Variants in RARA observed in about 807,000 individuals in gnomAD.
RARA encodes the protein PML-DDX5-RARA fusion.
In RARA, 5 loss-of-function variants were observed where a neutral mutation model predicts 42.8. That is an observed-to-expected ratio of 0.12 (90% CI 0.06 to 0.25). The LOEUF (loss-of-function observed/expected upper bound fraction) is 0.25, where lower values mean the gene tolerates loss of function less well. Among genes scored for constraint, RARA ranks in the 10% least tolerant of loss-of-function variants. The pLI is 1.00. For synonymous variants in RARA, 256 were observed against 259.5 expected (o/e 0.99, Z 0.13); for missense variants, 402 against 628.7 (o/e 0.64, Z 3.86).
intron 2 of RARA, chr17:40,342,517 G>A: frequency 7.6e-7 from 1 of 1,321,318 alleles, no homozygotes; most frequent in Non-Finnish European, 9.7e-7. Flanking sequence ...CACCGGGACT[G>A]GCGGAGCGGC....
chr17:40,314,192 G>A (rs2033148320), intron 1 of RARA, among the ~76,000 whole-genome samples: 1 of 148,446 alleles, frequency 6.7e-6, no homozygotes, highest in Non-Finnish European at 1.5e-5. Context: ...GGGTGGGGTG[G>A]GGGTGGGGAC....
At position 40,312,084 on chromosome 17, in the gene RARA, C is replaced by T. The variant is rs1418085273; in HGVS notation, c.-363+2798C>T. On this transcript the variant is annotated intron_variant, in intron 1 of 8. Coordinates refer to ENST00000254066, the MANE Select transcript of RARA (RefSeq NM_000964.4). ...CTGGGGCACTATTTTGTCTTCCCTCCAGTTGGGCCAGGATGAAGGAGACTG... is the reference window on the plus strand; with the variant it reads ...CTGGGGCACTATTTTGTCTTCCCTCTAGTTGGGCCAGGATGAAGGAGACTG... Among the ~76,000 whole-genome samples the T allele has an allele frequency of 2.0e-5, 3 of 152,316 alleles. No homozygotes were observed. The South Asian group carries it at 6.2e-4, about 32-fold the overall frequency.
intron 2 of RARA, among the ~76,000 whole-genome samples, chr17:40,340,121 A>AC (rs1267916257): frequency 1.7e-4 from 21 of 126,164 alleles, no homozygotes; most frequent in Admixed American, 1.3e-3. Context: ...CCTTACCCCC[A>AC]CCCCCCCACG....
At chr17:40,323,738 G>A (rs375762074) in intron 1 of RARA, among the ~76,000 whole-genome samples, 33 of 140,488 alleles carry the variant, frequency 2.3e-4, no homozygotes, top group African/African-American at 7.8e-4. Flanking sequence ...GCTTGGGGGG[G>A]GGTCAATGGG....
Position 40,331,395 on chromosome 17 carries a change from C to T in RARA, c.177C>T (p.Ala59=). Residue 59 remains alanine (A), a splice_region_variant and synonymous_variant, in exon 2 of 9, where the codon GCC becomes GCT. Transcript: ENST00000254066. ...PVSGYSTPSP[A]TIETQSSSSE... is the part of the protein sequence containing the mutation. ...GTGGATATAGCACACCATCCCCAGC[C>T]AGTAAGTCTGGGTGTGGGGGCTGGG... is the stretch of plus-strand genomic sequence containing the variant. 1.9e-6 allele frequency: 3 copies of T among 1,612,428 alleles called. No homozygotes were observed. The highest frequency in any genetic ancestry group is 2.5e-6 in the Non-Finnish European group (3 of 1,179,146).
At chr17:40,342,359 G>C (rs2034089835) in intron 2 of RARA, 1 of 1,081,966 alleles carries the variant, frequency 9.2e-7, no homozygotes, top group African/African-American at 1.6e-5. Flanking sequence ...CTGCGGACTT[G>C]GGGAGCCGCT....
intron 2 of RARA, among the ~76,000 whole-genome samples, chr17:40,346,044 C>T (rs145379396): frequency 1.5e-4 from 23 of 152,258 alleles, no homozygotes; most frequent in African/African-American, 5.5e-4. Context: ...GTCAAGCTGC[C>T]GTTGGGTGGG....
chr17:40,315,888 C>T (rs1016287635), intron 1 of RARA, among the ~76,000 whole-genome samples: 2 of 152,178 alleles, frequency 1.3e-5, no homozygotes, highest in African/African-American at 4.8e-5. Context: ...GAGTGTCCTT[C>T]TTAGAGTGAG....
chr17:40,320,234 C>T lies in RARA; in HGVS notation c.-362-10623C>T, dbSNP rs1412067504. On this transcript the variant is annotated intron_variant, in intron 1 of 8. Transcript: ENST00000254066. The surrounding 1 kb of genome is among the most constrained non-coding windows in gnomAD (Gnocchi z 4.1). The stretch of plus-strand genomic sequence containing the variant: ...CTGGCCACATCCTCCTTCCTATAGC[C>T]CCTAAATCTCTATCCCTTCAGTCTG... Among the ~76,000 whole-genome samples, 1 of 152,094 alleles carries T rather than the reference C, an allele frequency of 6.6e-6. No individual in the cohort carries two copies.
At chr17:40,335,109 C>T (rs571262454) in intron 2 of RARA, among the ~76,000 whole-genome samples, 3 of 151,828 alleles carry the variant, frequency 2.0e-5, no homozygotes, top group South Asian at 4.2e-4. Flanking sequence ...GGATTAATGA[C>T]TTGTGTGTAT....
chr17:40,341,566 C>G, intron 2 of RARA: 4 of 1,370,104 alleles, frequency 2.9e-6, no homozygotes, highest in Non-Finnish European at 3.8e-6. Flanking sequence ...AGGGGGCTGG[C>G]GGGCGAGCCC....
rs1171845508 is a variant in RARA at position 40,345,932 on chromosome 17, G to A, written c.179-2384G>A. On this transcript the variant is annotated intron_variant, in intron 2 of 8. Transcript: ENST00000254066. The surrounding 1 kb of genome is among the most constrained non-coding windows in gnomAD (Gnocchi z 4.8). ...GGGGAGGTGGGGCATCGAGCTCTGG[G>A]TTCAAAGGGCAGAGCAGGGAAACCT... 1.3e-5 allele frequency among the ~76,000 whole-genome samples: 2 copies of A among 152,180 alleles called. No homozygotes were observed. Among genetic ancestry groups the A allele is most frequent in the African/African-American group, 4.8e-5 (2 of 41,432 alleles).
At chr17:40,342,061 G>T in intron 2 of RARA, 1 of 1,044,150 alleles carries the variant, frequency 9.6e-7, no homozygotes, top group Non-Finnish European at 1.2e-6. Context: ...GACGCGCCGG[G>T]AATGGGTTAA....
intron 1 of RARA, among the ~76,000 whole-genome samples, chr17:40,325,112 G>A (rs184564743): frequency 6.6e-5 from 10 of 152,114 alleles, no homozygotes; most frequent in Admixed American, 1.3e-4. Context: ...TTAGCTGGGC[G>A]TGGTGGCAGG....
At position 40,355,916 on chromosome 17, in the gene RARA, G is replaced by A; in HGVS notation, c.1172-93G>A. On this transcript the variant is annotated intron_variant, in intron 8 of 8. Transcript: ENST00000254066. This position sits in a 1 kb window ranked among gnomAD's most constrained non-coding sequence, Gnocchi z 4.1. ...CCCAAGAAAGATGCTAATATCAGCA[G>A]TATTGATCTTCCCACCTCGAGCCAG... 9.3e-7 allele frequency: 1 copy of A among 1,070,522 alleles called. No individual in the cohort carries two copies. The highest frequency in any genetic ancestry group is 2.6e-5 in the East Asian group (1 of 38,756). 66.3% of individuals were successfully genotyped at this position (1,070,522 alleles called of 1,614,324 possible).
intron 1 of RARA, among the ~76,000 whole-genome samples, chr17:40,317,484 C>A (rs756893519): frequency 4.6e-5 from 7 of 151,848 alleles, no homozygotes; most frequent in Non-Finnish European, 7.4e-5. Context: ...CAGACTTGTT[C>A]GGGAGAGAGA....
intron 4 of RARA, chr17:40,350,221 A>T: frequency 2.6e-6 from 1 of 381,884 alleles, no homozygotes; most frequent in Non-Finnish European, 4.8e-6. Flanking sequence ...TGCATGCTCC[A>T]GGATGGCTTT....
intron 2 of RARA, 88 bp from the exon 3 acceptor site, chr17:40,348,228 C>T (rs2034330265): frequency 6.9e-7 from 1 of 1,439,640 alleles, no homozygotes; most frequent in Non-Finnish European, 9.2e-7. Context: ...GGGAGAGGCT[C>T]TTAGGAGGGA....
intron 2 of RARA, among the ~76,000 whole-genome samples, chr17:40,346,649 C>G (rs987132595): frequency 6.6e-6 from 1 of 152,186 alleles, no homozygotes; most frequent in African/African-American, 2.4e-5. Flanking sequence ...CCCGCCCCCC[C>G]AGCAGCTGTT....
Sources: allele counts gnomAD v4.1 joint callset (sites outside exome capture counted in the v4.1 genomes callset), GRCh38; gene constraint gnomAD v4.1.1; non-coding constraint Gnocchi (gnomAD v3.1); transcripts MANE v1.5; gene names NCBI Gene and HGNC (gene_info 2026-07-23, HGNC 2026-07-21).